FGD5: variants seen among roughly 807,000 people sequenced by gnomAD.
FGD5 encodes the protein FYVE, RhoGEF and PH domain-containing protein 5.
A neutral mutation model predicts 133.4 loss-of-function variants in FGD5; 28 were observed. The ratio of observed to expected loss-of-function variants is 0.21; its 90% CI spans 0.16 to 0.29. The LOEUF is 0.29. Ranked by LOEUF, FGD5 falls within the 10% of genes least tolerant of loss-of-function variation. FGD5 has a pLI of 1.00. For missense variants in FGD5, 1,858 were observed against 1,895.2 expected, an observed-to-expected ratio of 0.98 and a Z score of 0.36; for synonymous variants, 810 against 776.5, an observed-to-expected ratio of 1.04 and a Z score of -0.72.
chr3:14,835,506 A>G (rs886311948), intron 1 of FGD5, among the ~76,000 whole-genome samples: 8 of 151,908 alleles, frequency 5.3e-5, no homozygotes, highest in Admixed American at 1.3e-4. Flanking sequence ...TCTCAAAAAA[A>G]AAAAGAAAAG....
intron 2 of FGD5, among the ~76,000 whole-genome samples, chr3:14,874,736 T>C (rs2037683546): frequency 6.6e-6 from 1 of 152,198 alleles, no homozygotes; most frequent in South Asian, 2.1e-4. Flanking sequence ...CAAGATAGCA[T>C]GCTGCTTCTG....
At chr3:14,836,229 A>G (rs1234848167) in intron 1 of FGD5, among the ~76,000 whole-genome samples, 1 of 152,240 alleles carries the variant, frequency 6.6e-6, no homozygotes, top group African/African-American at 2.4e-5. Context: ...GTGATGTCAT[A>G]TGGCGAGAGA....
chr3:14,908,921 A>AATTT (rs748320275), intron 10 of FGD5, among the ~76,000 whole-genome samples: 11,309 of 149,874 alleles, frequency 0.075, 502 homozygotes, highest in Middle Eastern at 0.15. Context: ...ATAAAAAGGG[A>AATTT]ATTTATTTAT....
At chr3:14,913,893 G>A (rs1387384661) in intron 11 of FGD5, among the ~76,000 whole-genome samples, 3 of 151,682 alleles carry the variant, frequency 2.0e-5, no homozygotes, top group Non-Finnish European at 2.9e-5. Flanking sequence ...CACCACCCCC[G>A]TTTCCCCTCT....
intron 2 of FGD5, among the ~76,000 whole-genome samples, chr3:14,876,952 C>A (rs2037731919): frequency 6.6e-6 from 1 of 152,224 alleles, no homozygotes; most frequent in Non-Finnish European, 1.5e-5. Flanking sequence ...AAGTGTTGAA[C>A]CAGCTGGTTT....
intron 2 of FGD5, among the ~76,000 whole-genome samples, chr3:14,871,894 T>A (rs959561978): frequency 6.6e-6 from 1 of 152,218 alleles, no homozygotes; most frequent in Non-Finnish European, 1.5e-5. Flanking sequence ...GTGGTCACTC[T>A]CTCTCGCTCT....
chr3:14,811,749 C>T (rs867877856), intron 1 of FGD5, among the ~76,000 whole-genome samples: 2 of 152,174 alleles, frequency 1.3e-5, no homozygotes, highest in Admixed American at 6.5e-5. Context: ...ACCCAGTCCT[C>T]GGGATTCCCA....
intron 1 of FGD5, among the ~76,000 whole-genome samples, chr3:14,842,041 C>T (rs1308282798): frequency 1.3e-5 from 2 of 152,244 alleles, no homozygotes; most frequent in African/African-American, 4.8e-5. Context: ...TGGGCAGCTG[C>T]AGCTTTCTGG....
chr3:14,847,493 G>T (rs907877189), intron 1 of FGD5, among the ~76,000 whole-genome samples: 1 of 152,232 alleles, frequency 6.6e-6, no homozygotes, highest in African/African-American at 2.4e-5. Context: ...TGGAGACTCA[G>T]AGTCTGTCCT....
chr3:14,871,387 C>T (rs1222163816), intron 2 of FGD5, among the ~76,000 whole-genome samples: 1 of 152,150 alleles, frequency 6.6e-6, no homozygotes, highest in Non-Finnish European at 1.5e-5. Context: ...AAAACAAACT[C>T]GAATGTCTGA....
At chr3:14,851,140 A>AGC (rs1282734844) in intron 1 of FGD5, among the ~76,000 whole-genome samples, 2 of 130,594 alleles carry the variant, frequency 1.5e-5, no homozygotes, top group Non-Finnish European at 3.2e-5. Context: ...AGCGTTGAGG[A>AGC]GCTCTGCCTG....
chr3:14,874,132 C>T (rs1052522636), intron 2 of FGD5, among the ~76,000 whole-genome samples: 1 of 152,178 alleles, frequency 6.6e-6, no homozygotes, highest in Non-Finnish European at 1.5e-5. Context: ...CTGCCATTTG[C>T]AACGATGTGA....
intron 1 of FGD5, among the ~76,000 whole-genome samples, chr3:14,811,105 C>T (rs753839469): frequency 6.6e-6 from 1 of 152,064 alleles, no homozygotes; most frequent in Non-Finnish European, 1.5e-5. Flanking sequence ...CTTGGCGAGG[C>T]CGCGCCCTGG....
At chr3:14,832,848 A>G (rs1296264660) in intron 1 of FGD5, among the ~76,000 whole-genome samples, 10 of 152,300 alleles carry the variant, frequency 6.6e-5, no homozygotes, top group African/African-American at 2.4e-4. Context: ...CTGGGTTCAC[A>G]TGGCCAGGGA....
At chr3:14,840,903 A>G (rs924338977) in intron 1 of FGD5, among the ~76,000 whole-genome samples, 2 of 152,212 alleles carry the variant, frequency 1.3e-5, no homozygotes, top group Non-Finnish European at 2.9e-5. Context: ...ATAAATGCCT[A>G]TATTTTAAAA....
chr3:14,921,658 C>T (rs564116777), intron 13 of FGD5, among the ~76,000 whole-genome samples: 13 of 152,352 alleles, frequency 8.5e-5, no homozygotes, highest in African/African-American at 2.9e-4. Flanking sequence ...CCACATCTCC[C>T]TTCATCCCCA....
intron 18 of FGD5, among the ~76,000 whole-genome samples, chr3:14,927,185 G>A (rs1200520337): frequency 6.6e-6 from 1 of 152,236 alleles, no homozygotes; most frequent in Non-Finnish European, 1.5e-5. Flanking sequence ...GGCCTGAGCG[G>A]CTTGGGTACC....
chr3:14,872,878 C>T (rs1625709), intron 2 of FGD5, among the ~76,000 whole-genome samples: 28,119 of 152,106 alleles, frequency 0.18, 3,127 homozygotes, highest in East Asian at 0.4. Context: ...CAGTGTCTGA[C>T]GGTGGCTGAG....
At chr3:14,870,122 A>G (rs2037576579) in intron 2 of FGD5, among the ~76,000 whole-genome samples, 1 of 150,328 alleles carries the variant, frequency 6.7e-6, no homozygotes, top group Non-Finnish European at 1.5e-5. Context: ...TCTGTGAGGG[A>G]ACGGAATGGC....
Sources: allele counts gnomAD v4.1 joint callset (sites outside exome capture counted in the v4.1 genomes callset), GRCh38; gene constraint gnomAD v4.1.1; transcripts MANE v1.5; gene names NCBI Gene and HGNC (gene_info 2026-07-23, HGNC 2026-07-21).